Variants in SMAP2 observed in about 807,000 individuals in gnomAD.
SMAP2 encodes the protein stromal membrane-associated protein 2.
A neutral mutation model predicts 56.4 loss-of-function variants in SMAP2; 25 were observed. The ratio of observed to expected loss-of-function variants is 0.44; its 90% CI spans 0.32 to 0.62. The LOEUF (loss-of-function observed/expected upper bound fraction) is 0.62, where lower values mean the gene tolerates loss of function less well. Ranked by LOEUF, SMAP2 falls within the 20% of genes least tolerant of loss-of-function variation. SMAP2 has a pLI of 0.04. For synonymous variants in SMAP2, 157 were observed against 181.7 expected, an observed-to-expected ratio of 0.86 and a Z score of 1.09; for missense variants, 388 against 545.6, an observed-to-expected ratio of 0.71 and a Z score of 2.88.
At chr1:40,389,257 T>C (rs532813301) in intron 1 of SMAP2, among the ~76,000 whole-genome samples, 1 of 152,160 alleles carries the variant, frequency 6.6e-6, no homozygotes, top group East Asian at 1.9e-4. Flanking sequence ...TCTAAGGAGG[T>C]GGATTAGAGG....
At chr1:40,415,245 C>T in intron 6 of SMAP2, 27 bp from the exon 7 acceptor site, 2 of 1,539,710 alleles carry the variant, frequency 1.3e-6, no homozygotes, top group Non-Finnish European at 9.0e-7. Context: ...AGCAGTGCTG[C>T]ATCTTAACTT....
At chr1:40,356,386 AG>A (rs1405722571) in intron 1 of SMAP2, among the ~76,000 whole-genome samples, 1 of 146,324 alleles carries the variant, frequency 6.8e-6, no homozygotes, top group African/African-American at 2.5e-5. Flanking sequence ...TTCTATTTTT[AG>A]TTTTTTGTGG....
chr1:40,352,185 G>A (rs985546951), intron 1 of SMAP2, among the ~76,000 whole-genome samples: 1 of 152,084 alleles, frequency 6.6e-6, no homozygotes, highest in African/African-American at 2.4e-5. Context: ...TTGATAAGGT[G>A]CCAAAGTCCA....
At chr1:40,401,369 G>T (rs1644832795) in intron 1 of SMAP2, among the ~76,000 whole-genome samples, 1 of 152,162 alleles carries the variant, frequency 6.6e-6, no homozygotes, top group South Asian at 2.1e-4. Flanking sequence ...GATTCCACAG[G>T]ATTTGGATGG....
At chr1:40,417,546 A>T (rs1192800586) in intron 9 of SMAP2, among the ~76,000 whole-genome samples, 1 of 152,182 alleles carries the variant, frequency 6.6e-6, no homozygotes, top group Non-Finnish European at 1.5e-5. Flanking sequence ...ATAATACCAC[A>T]GATAAAGTAA....
chr1:40,365,331 A>G (rs554966317), intron 2 of SMAP2: 1 of 152,434 alleles, frequency 6.6e-6, no homozygotes, highest in African/African-American at 2.4e-5. Flanking sequence ...GCACATTCTA[A>G]TAAATTCTAC....
At position 40,403,382 on chromosome 1, in the gene SMAP2, A is replaced by G. The variant is rs894796704; in HGVS notation, c.104-3354A>G. On this transcript the variant is annotated intron_variant, in intron 1 of 9. Coordinates refer to ENST00000372718, the MANE Select transcript of SMAP2 (RefSeq NM_022733.3). ...TAGTGGGGTGTGGTAGCACGCGCCT[A>G]TAGTCCCAGCTACTCGGGAAGCTGA... Among the ~76,000 whole-genome samples, 4 of 152,106 alleles carry G rather than the reference A, an allele frequency of 2.6e-5. No homozygotes were observed. The South Asian group carries it at 8.3e-4, about 32-fold the overall frequency.
intron 6 of SMAP2, among the ~76,000 whole-genome samples, 164 bp downstream of exon 6, chr1:40,414,404 G>A (rs181361801): frequency 3.9e-4 from 59 of 152,340 alleles, no homozygotes; most frequent in African/African-American, 1.3e-3. Flanking sequence ...GTTGCTCTAA[G>A]GAAGTGTTTA....
Position 40,415,278 on chromosome 1 carries a change from C to G in SMAP2, c.578C>G (p.Pro193Arg). ...PVMDLLGLDA[P>R]VACSIANSKT... The stretch of plus-strand genomic sequence containing the variant: ...CTTCGATCTCTCTTTCTAGATGCTC[C>G]TGTGGCCTGCTCCATTGCAAATAGT... Residue 193 changes from proline (P) to arginine (R), a missense_variant, in exon 7 of 10, where the codon CCT becomes CGT. By Grantham distance (103) the Pro-to-Arg change is moderately radical. Transcript: ENST00000372718. 6.2e-7 allele frequency: 1 copy of G among 1,612,922 alleles called. No homozygotes were observed. The highest frequency in any genetic ancestry group is 8.5e-7 in the Non-Finnish European group (1 of 1,178,914).
chr1:40,383,079 A>C (rs1304095498), intron 1 of SMAP2, among the ~76,000 whole-genome samples: 1 of 152,214 alleles, frequency 6.6e-6, no homozygotes, highest in African/African-American at 2.4e-5. Context: ...GGGAATTTAA[A>C]ATAGGGAGTA....
At chr1:40,384,673 G>T (rs1400321874) in intron 1 of SMAP2, among the ~76,000 whole-genome samples, 1 of 151,914 alleles carries the variant, frequency 6.6e-6, no homozygotes, top group African/African-American at 2.4e-5. Context: ...GACTCTCGTT[G>T]TTTGAGTGAA....
chr1:40,399,310 A>ATTTTTTTCTTTTTT (rs1644804565), intron 1 of SMAP2, among the ~76,000 whole-genome samples: 1 of 91,956 alleles, frequency 1.1e-5, no homozygotes, highest in Non-Finnish European at 2.0e-5. Context: ...ACGTGTGGCT[A>ATTTTTTTCTTTTTT]TTTTTTTTTT....
At chr1:40,416,680 TCCTGAG>T in intron 8 of SMAP2, 94 bp from the exon 9 acceptor site, 1 of 1,215,670 alleles carries the variant, frequency 8.2e-7, no homozygotes, top group Non-Finnish European at 1.2e-6. Flanking sequence ...AGTAGAGTAA[TCCTGAG>T]AAATTCCAGC....
In SMAP2 at chr1:40,415,308, C is replaced by A. The variant is rs762419852; in HGVS notation, c.608C>A (p.Thr203Asn). The A allele has an allele frequency of 6.2e-6, 10 of 1,613,904 alleles. No homozygotes were observed. The South Asian group carries it at 9.9e-5, about 16-fold the overall frequency. Residue 203 changes from threonine to asparagine, a missense_variant, in exon 7 of 10, where the codon ACC (threonine) becomes AAC (asparagine). Thr to Asn is a moderately conservative substitution (Grantham distance 65, BLOSUM62 0). Transcript: ENST00000372718. ...PVACSIANSK[T>N]SNTLEKDLDL... ...GCCTGCTCCATTGCAAATAGTAAGACCAGCAATACCCTAGAGAAGGATTTA... is the reference window on the plus strand; with the variant it reads ...GCCTGCTCCATTGCAAATAGTAAGAACAGCAATACCCTAGAGAAGGATTTA...
intron 1 of SMAP2, among the ~76,000 whole-genome samples, chr1:40,392,866 G>A (rs191777445): frequency 6.6e-6 from 1 of 152,170 alleles, no homozygotes; most frequent in African/African-American, 2.4e-5. Flanking sequence ...TTGGGAGGCC[G>A]AGGCAGGTGC....
Position 40,413,063 on chromosome 1 carries a change from A to T in SMAP2, c.450A>T (p.Glu150Asp), listed in dbSNP as rs766711770. Residue 150 changes from glutamate to aspartate, a missense_variant, in exon 5 of 10, where the codon GAA becomes GAT. Physicochemically the swap from Glu to Asp is conservative, Grantham distance 45. Transcript: ENST00000372718. ...AAAGAGGGAGCGAACCAGTTCCAGA[A>T]AAAAAATTGGAACCTGTTGTTTTTG... ...KWKRGSEPVP[E>D]KKLEPVVFEK... The T allele has an allele frequency of 6.2e-7, 1 of 1,614,046 alleles. No individual in the cohort carries two copies. The highest frequency in any genetic ancestry group is 1.1e-5 in the South Asian group (1 of 91,064).
chr1:40,402,236 G>A (rs1644841711), intron 1 of SMAP2, among the ~76,000 whole-genome samples: 1 of 151,986 alleles, frequency 6.6e-6, no homozygotes, highest in African/African-American at 2.4e-5. Context: ...TGTTTTCAGG[G>A]TACAAGTGAT....
chr1:40,370,999 C>G (rs1644493913), upstream of SMAP2, among the ~76,000 whole-genome samples: 1 of 151,984 alleles, frequency 6.6e-6, no homozygotes, highest in African/African-American at 2.4e-5. Context: ...AGGGTGAAAC[C>G]CTGCCTCTAT....
intron 1 of SMAP2, chr1:40,393,249 A>C: frequency 7.3e-7 from 1 of 1,368,702 alleles, no homozygotes; most frequent in Non-Finnish European, 9.7e-7. Flanking sequence ...TTGCTTGAGC[A>C]TAGGAGATTG....
Sources: gnomAD v4.1 joint callset for allele counts (sites outside exome capture counted in the v4.1 genomes callset) on GRCh38, gnomAD v4.1.1 for gene constraint, MANE v1.5 for transcripts, NCBI Gene and HGNC (gene_info 2026-07-23, HGNC 2026-07-21) for gene names.